CDC27: variants seen among roughly 807,000 people sequenced by gnomAD.
CDC27 encodes cell division cycle 27.
Under a neutral mutation model 109.7 loss-of-function variants are expected in CDC27, and 27 were observed. The observed-to-expected ratio is 0.25, with a 90% CI of 0.18 to 0.34. The LOEUF (loss-of-function observed/expected upper bound fraction) is 0.34, where lower values mean the gene tolerates loss of function less well. CDC27 is among the 10% of genes least tolerant of loss of function. CDC27 has a pLI of 1.00. For missense variants in CDC27, 579 were observed against 960.2 expected, an observed-to-expected ratio of 0.60 and a Z score of 5.25; for synonymous variants, 266 against 333.9, an observed-to-expected ratio of 0.80 and a Z score of 2.22.
chr17:47,129,337 G>T (rs751625885), intron 16 of CDC27, 56 bp downstream of exon 16: 234 of 1,239,148 alleles, frequency 1.9e-4, no homozygotes, highest in Non-Finnish European at 2.5e-4. Context: ...GAAAACAAGG[G>T]ATAACGTTGT....
intron 10 of CDC27, among the ~76,000 whole-genome samples, 171 bp from the exon 11 acceptor site, chr17:47,142,607 C>T (rs1391131983): frequency 6.6e-6 from 1 of 152,134 alleles, no homozygotes; most frequent in South Asian, 2.1e-4. Flanking sequence ...TAATTTTAAA[C>T]ACAGTAATTC....
At chr17:47,132,444 A>G (rs1305584607) in intron 14 of CDC27, 70 bp from the exon 15 acceptor site, 2 of 683,728 alleles carry the variant, frequency 2.9e-6, no homozygotes, top group Non-Finnish European at 4.7e-6. Context: ...TCAATTAGTA[A>G]AAGAACAAGT....
At chr17:47,180,972 C>T (rs1233831038) in intron 2 of CDC27, among the ~76,000 whole-genome samples, 2 of 108,158 alleles carry the variant, frequency 1.8e-5, no homozygotes, top group African/African-American at 3.6e-5. Flanking sequence ...AAAAAAAATA[C>T]ATGGCATGGT....
At chr17:47,140,379 G>A (rs1197067215) in intron 12 of CDC27, among the ~76,000 whole-genome samples, 1 of 152,156 alleles carries the variant, frequency 6.6e-6, no homozygotes, top group Admixed American at 6.5e-5. Flanking sequence ...CTCCCAAAGT[G>A]CTGGTATTAT....
chr17:47,152,614 A>G (rs2063184464), intron 8 of CDC27, among the ~76,000 whole-genome samples: 2 of 152,156 alleles, frequency 1.3e-5, no homozygotes, highest in African/African-American at 4.8e-5. Context: ...GTATCAGTGC[A>G]CTGTTTTTCC....
At chr17:47,132,688 CCA>C (rs1486994821) in intron 14 of CDC27, among the ~76,000 whole-genome samples, 1 of 150,186 alleles carries the variant, frequency 6.7e-6, no homozygotes, top group Non-Finnish European at 1.5e-5. Context: ...GCCTCAGCCT[CCA>C]GAGTAGCTGA....
At chr17:47,124,312 C>T (rs2062070783) in intron 16 of CDC27, among the ~76,000 whole-genome samples, 1 of 141,098 alleles carries the variant, frequency 7.1e-6, no homozygotes, top group African/African-American at 2.6e-5. Context: ...GAGGTGGAGT[C>T]TCGCTCTGTC....
Position 47,132,341 on chromosome 17 carries a change from T to C in CDC27, c.1947A>G (p.Glu649=). ...YGLGMIYYKQ[E]KFSLAEMHFQ... The stretch of plus-strand genomic sequence containing the variant: ...AATGCATTTCTGCAAGGCTGAATTT[T>C]TCTTGCTTGTAATAAATCATTCCTA... The change falls in exon 15 of 19, where the codon GAA becomes GAG. Residue 649 remains glutamate (E), a synonymous_variant. Coordinates refer to ENST00000066544, the MANE Select transcript of CDC27 (RefSeq NM_001256.6). 1 of 1,602,110 alleles carries C rather than the reference T, an allele frequency of 6.2e-7. No individual in the cohort carries two copies.
intron 10 of CDC27, among the ~76,000 whole-genome samples, chr17:47,143,067 G>T (rs565444452): frequency 9.9e-5 from 15 of 152,124 alleles, no homozygotes; most frequent in African/African-American, 3.6e-4. Flanking sequence ...GACCTCCCCA[G>T]GCTCAAGTGA....
In CDC27 at chr17:47,189,213, CCCCTGTAGCGGCT is replaced by C. The variant is rs2064581457; in HGVS notation, c.-54_-42del. On this transcript the variant is annotated 5_prime_UTR_variant, in exon 1 of 19. The change creates a premature stop within an existing upstream ORF in the 5' untranslated region. Transcript: ENST00000066544. ...CCACTTTCTGCAGTGCCTCAGGCCC[CCCCTGTAGCGGCT>C]CCGGCCCGGCCAGCCCCTGCTCATT... 2 of 1,563,238 alleles carry C rather than the reference CCCCTGTAGCGGCT, an allele frequency of 1.3e-6. No individual in the cohort carries two copies. Among genetic ancestry groups the C allele is most frequent in the South Asian group, 1.1e-5 (1 of 90,092 alleles).
intron 4 of CDC27, among the ~76,000 whole-genome samples, chr17:47,160,252 G>T (rs1439651859): frequency 7.1e-6 from 1 of 140,642 alleles, no homozygotes; most frequent in African/African-American, 2.6e-5. Context: ...TTTTTCCTGA[G>T]AGTCTGGCCC....
intron 4 of CDC27, among the ~76,000 whole-genome samples, chr17:47,164,536 G>A (rs578207037): frequency 3.3e-5 from 5 of 152,258 alleles, no homozygotes; most frequent in East Asian, 3.9e-4. Flanking sequence ...TGTAAACTAC[G>A]CTGGACACGG....
chr17:47,129,245 G>A, intron 16 of CDC27, 148 bp downstream of exon 16: 1 of 614,332 alleles, frequency 1.6e-6, no homozygotes, highest in Non-Finnish European at 2.8e-6. Flanking sequence ...ATTTCATGAA[G>A]ACATAAAAAT....
chr17:47,171,352 T>C (rs922310396), intron 3 of CDC27, among the ~76,000 whole-genome samples: 1 of 152,206 alleles, frequency 6.6e-6, no homozygotes, highest in Non-Finnish European at 1.5e-5. Context: ...ATACAGGCTT[T>C]TACAAATATC....
intron 14 of CDC27, among the ~76,000 whole-genome samples, chr17:47,133,071 A>G (rs1434126527): frequency 4.2e-4 from 35 of 82,608 alleles, no homozygotes; most frequent in Non-Finnish European, 5.6e-4. Context: ...ATACACACAC[A>G]CACACACACA....
intron 3 of CDC27, 32 bp downstream of exon 3, chr17:47,171,885 A>G (rs1356025610): frequency 6.5e-7 from 1 of 1,537,082 alleles, no homozygotes; most frequent in Non-Finnish European, 8.8e-7. Flanking sequence ...TGTAAGTAAA[A>G]CAAAATAGCT....
intron 4 of CDC27, among the ~76,000 whole-genome samples, chr17:47,163,234 A>AT (rs397737786): frequency 1.1e-4 from 17 of 151,978 alleles, no homozygotes; most frequent in Non-Finnish European, 1.0e-4. Flanking sequence ...GACAAAAAAA[A>AT]GTCTATACTG....
At chr17:47,150,717 T>C (rs950954097) in intron 9 of CDC27, among the ~76,000 whole-genome samples, 19 of 152,100 alleles carry the variant, frequency 1.2e-4, no homozygotes, top group African/African-American at 4.6e-4. Context: ...GAATCAACAA[T>C]ACAAAGAACA....
At chr17:47,182,277 A>G (rs955886833) in intron 1 of CDC27, among the ~76,000 whole-genome samples, 1 of 151,740 alleles carries the variant, frequency 6.6e-6, no homozygotes, top group Non-Finnish European at 1.5e-5. Flanking sequence ...AATTTTTTGA[A>G]TATATGTTTT....
Sources: allele counts gnomAD v4.1 joint callset (sites outside exome capture counted in the v4.1 genomes callset), GRCh38; gene constraint gnomAD v4.1.1; transcripts MANE v1.5; gene names NCBI Gene and HGNC (gene_info 2026-07-23, HGNC 2026-07-21).